The following PDCD1LG2 variants were observed in gnomAD, a reference collection of about 807,000 sequenced individuals.
The protein encoded by PDCD1LG2 is B7 dendritic cell molecule.
In PDCD1LG2, 32 loss-of-function variants were observed where a neutral mutation model predicts 28.2. The ratio of observed to expected loss-of-function variants is 1.13; its 90% confidence interval spans 0.86 to 1.52. The LOEUF (loss-of-function observed/expected upper bound fraction) is 1.52, where lower values mean the gene tolerates loss of function less well. PDCD1LG2 is among the 40% of genes most tolerant of loss of function. The pLI is 0.00. For missense variants in PDCD1LG2, 385 were observed against 323.8 expected (o/e 1.19, Z -1.45); for synonymous variants, 116 against 120.2 (o/e 0.97, Z 0.23).
At chr9:5,517,410 A>G (rs551391170) in intron 1 of PDCD1LG2, among the ~76,000 whole-genome samples, 2 of 152,290 alleles carry the variant, frequency 1.3e-5, no homozygotes, top group East Asian at 3.9e-4. Context: ...TTGGTAGGTC[A>G]AAAGCTCCAG....
At chr9:5,555,832 C>T (rs921747415) in intron 4 of PDCD1LG2, among the ~76,000 whole-genome samples, 1 of 152,168 alleles carries the variant, frequency 6.6e-6, no homozygotes, top group Non-Finnish European at 1.5e-5. Context: ...CATGGCTGGG[C>T]CCACTTAACT....
chr9:5,570,918 T>C lies in PDCD1LG2; in HGVS notation c.*959T>C, dbSNP rs1375399383. Reference sequence around the variant, plus strand: ...AGTCAAGGCCTTTGATAATTGGCACTATGGAAATCCTGCAAGATCCCACTA... The same window carrying C: ...AGTCAAGGCCTTTGATAATTGGCACCATGGAAATCCTGCAAGATCCCACTA... On this transcript the variant is annotated 3_prime_UTR_variant, in exon 7 of 7. Coordinates refer to ENST00000397747, the MANE Select transcript of PDCD1LG2 (RefSeq NM_025239.4). 1.7e-5 allele frequency: 4 copies of C among 232,714 alleles called. No individual in the cohort carries two copies. The highest frequency in any genetic ancestry group is 3.4e-5 in the Non-Finnish European group (4 of 117,778). 14.4% of individuals were successfully genotyped at this position (232,714 alleles called of 1,614,324 possible).
intron 3 of PDCD1LG2, among the ~76,000 whole-genome samples, chr9:5,537,779 T>A (rs568589982): frequency 2.0e-5 from 3 of 152,230 alleles, no homozygotes; most frequent in African/African-American, 7.2e-5. Context: ...ACCTAATGTT[T>A]AATGACAAGT....
chr9:5,548,254 C>A (rs893981122), intron 3 of PDCD1LG2, among the ~76,000 whole-genome samples: 1 of 152,186 alleles, frequency 6.6e-6, no homozygotes, highest in Non-Finnish European at 1.5e-5. Context: ...CATACATTAT[C>A]TGTCTTTTTG....
chr9:5,553,959 T>A (rs949364930), intron 4 of PDCD1LG2, among the ~76,000 whole-genome samples: 1 of 152,094 alleles, frequency 6.6e-6, no homozygotes, highest in African/African-American at 2.4e-5. Context: ...CCTTCTTTGC[T>A]CAGGTTTTTC....
At chr9:5,518,594 C>G (rs1820213154) in intron 1 of PDCD1LG2, among the ~76,000 whole-genome samples, 1 of 152,222 alleles carries the variant, frequency 6.6e-6, no homozygotes, top group Non-Finnish European at 1.5e-5. Context: ...GAGCATTTCC[C>G]TGTGGAAAGC....
intron 2 of PDCD1LG2, among the ~76,000 whole-genome samples, chr9:5,525,320 G>C (rs546425131): frequency 1.3e-5 from 2 of 149,834 alleles, no homozygotes; most frequent in African/African-American, 5.0e-5. Context: ...ATTCCAGCCT[G>C]GGTGACAGAG....
At chr9:5,566,643 A>G (rs1369112144) in intron 6 of PDCD1LG2, among the ~76,000 whole-genome samples, 1 of 152,220 alleles carries the variant, frequency 6.6e-6, no homozygotes, top group Non-Finnish European at 1.5e-5. Context: ...TACATGGAAC[A>G]TGAACAAGAA....
rs761019876 is a variant in PDCD1LG2, at chr9:5,557,617, G to C, written c.632-1G>C. On this transcript the variant is annotated splice_acceptor_variant, in intron 4 of 6. Coordinates refer to ENST00000397747, the MANE Select transcript of PDCD1LG2 (RefSeq NM_025239.4). LOFTEE classifies it high-confidence loss of function. Reference sequence around the variant, plus strand: ...GATTCTGGTGCTTTTCCTTTGCCCAGGTCAGATGGAACCCAGGACCCATCC... The same window carrying C: ...GATTCTGGTGCTTTTCCTTTGCCCACGTCAGATGGAACCCAGGACCCATCC... 22 of 1,613,902 alleles carry C rather than the reference G, an allele frequency of 1.4e-5. No individual in the cohort carries two copies. In the East Asian group the frequency reaches 4.7e-4, roughly 34 times the overall value.
chr9:5,528,714 A>G (rs909130308), intron 2 of PDCD1LG2, among the ~76,000 whole-genome samples: 2 of 151,940 alleles, frequency 1.3e-5, no homozygotes, highest in African/African-American at 2.4e-5. Flanking sequence ...ATTATTGTTT[A>G]TTTTCTTATT....
intron 1 of PDCD1LG2, among the ~76,000 whole-genome samples, chr9:5,516,960 C>A (rs1820178467): frequency 6.6e-6 from 1 of 152,196 alleles, no homozygotes; most frequent in African/African-American, 2.4e-5. Context: ...GCATGCGGTT[C>A]CCACCCCGCC....
chr9:5,547,669 G>T (rs1816239627), intron 3 of PDCD1LG2, among the ~76,000 whole-genome samples: 1 of 152,136 alleles, frequency 6.6e-6, no homozygotes, highest in African/African-American at 2.4e-5. Flanking sequence ...GGGCACAGTG[G>T]CTCATGCCTG....
chr9:5,522,162 A>G (rs1363636990), intron 1 of PDCD1LG2, among the ~76,000 whole-genome samples: 1 of 149,876 alleles, frequency 6.7e-6, no homozygotes, highest in Admixed American at 6.6e-5. Context: ...GATGGTGTCC[A>G]TTATTCATTT....
At chr9:5,514,575 T>A (rs565395047) in intron 1 of PDCD1LG2, among the ~76,000 whole-genome samples, 207 of 152,090 alleles carry the variant, frequency 1.4e-3, no homozygotes, top group South Asian at 0.012. Flanking sequence ...ATACTTCTTA[T>A]GTAGAAATAA....
intron 4 of PDCD1LG2, among the ~76,000 whole-genome samples, chr9:5,551,452 G>T (rs1427434518): frequency 1.3e-5 from 2 of 152,166 alleles, no homozygotes; most frequent in African/African-American, 4.8e-5. Context: ...CAAAGTTGTA[G>T]TGTGGACAAC....
intron 2 of PDCD1LG2, among the ~76,000 whole-genome samples, chr9:5,533,685 A>C (rs545881900): frequency 6.6e-6 from 1 of 152,148 alleles, no homozygotes; most frequent in South Asian, 2.1e-4. Flanking sequence ...ATCATCTTAC[A>C]TACTTCTAGT....
chr9:5,550,918 C>G (rs988414976), intron 4 of PDCD1LG2, among the ~76,000 whole-genome samples: 11 of 152,150 alleles, frequency 7.2e-5, no homozygotes, highest in Non-Finnish European at 1.0e-4. Flanking sequence ...GTCTCAAACT[C>G]CTGACCTCAG....
intron 6 of PDCD1LG2, among the ~76,000 whole-genome samples, chr9:5,567,485 G>A (rs1586823950): frequency 6.6e-6 from 1 of 152,100 alleles, no homozygotes; most frequent in East Asian, 1.9e-4. Context: ...AAAACTTTAG[G>A]AGTGGATTAT....
chr9:5,520,293 A>G (rs1820248663), intron 1 of PDCD1LG2, among the ~76,000 whole-genome samples: 1 of 152,232 alleles, frequency 6.6e-6, no homozygotes, highest in South Asian at 2.1e-4. Context: ...CCTTATATAT[A>G]TGATCAATTG....
Sources: gnomAD v4.1 joint callset for allele counts (sites outside exome capture counted in the v4.1 genomes callset) on GRCh38, gnomAD v4.1.1 for gene constraint, MANE v1.5 for transcripts, NCBI Gene and HGNC (gene_info 2026-07-23, HGNC 2026-07-21) for gene names.